Variants in RPS6KA5 observed in about 807,000 individuals in gnomAD.
RPS6KA5 encodes ribosomal protein S6 kinase alpha-5.
In RPS6KA5, 27 loss-of-function variants were observed where a neutral mutation model predicts 85.5. That is an observed-to-expected ratio of 0.32 (90% confidence interval 0.23 to 0.44). RPS6KA5 has a LOEUF of 0.44. RPS6KA5 is among the 20% of genes least tolerant of loss of function. The pLI is 1.00. For synonymous variants in RPS6KA5, 334 were observed against 348.2 expected (o/e 0.96, Z 0.46); for missense variants, 811 against 980.9 (o/e 0.83, Z 2.31).
rs370974013 is a variant in RPS6KA5 at position 90,853,669 on chromosome 14, C to CAAAAAAAAA, written c.*18396_*18404dup. 1.6e-5 allele frequency: 2 copies of CAAAAAAAAA among 128,392 alleles called. No homozygotes were observed. The highest frequency in any genetic ancestry group is 3.2e-5 in the Non-Finnish European group (2 of 61,666). 8.0% of individuals were successfully genotyped at this position (128,392 alleles called of 1,614,324 possible). On this transcript the variant is annotated 3_prime_UTR_variant, in exon 17 of 17. Coordinates refer to ENST00000614987, the MANE Select transcript of RPS6KA5 (RefSeq NM_004755.4). ...TGAAACCCCATCTCTACTAAAAATA[C>CAAAAAAAAA]AAAAAAAAAAAAAAAAACCCTAAAA...
intron 1 of RPS6KA5, among the ~76,000 whole-genome samples, chr14:91,028,728 C>T (rs963522601): frequency 6.6e-6 from 1 of 150,762 alleles, no homozygotes; most frequent in African/African-American, 2.4e-5. Flanking sequence ...TCATGTTATC[C>T]AGGATGGTCT....
At chr14:91,012,915 C>A (rs1025949889) in intron 1 of RPS6KA5, among the ~76,000 whole-genome samples, 2 of 152,318 alleles carry the variant, frequency 1.3e-5, no homozygotes, top group Middle Eastern at 3.4e-3. Flanking sequence ...TCTCACCTAT[C>A]CCTGACCTTA....
Position 91,004,791 on chromosome 14 carries a change from C to T in RPS6KA5, c.104-3632G>A, listed in dbSNP as rs182042487. 1.0e-3 allele frequency among the ~76,000 whole-genome samples: 154 copies of T among 152,038 alleles called. 2 individuals are homozygous for T. Among genetic ancestry groups the T allele is most frequent in the African/African-American group, 3.5e-3 (147 of 41,488 alleles). On this transcript the variant is annotated intron_variant, in intron 1 of 16. Coordinates refer to ENST00000614987, the MANE Select transcript of RPS6KA5 (RefSeq NM_004755.4). ...GACCATCCTGGCTAACACAGTGAAA[C>T]CCCGTCTCTACTAAAAATACAAAAA... is the stretch of plus-strand genomic sequence containing the variant.
At chr14:90,937,074 G>A (rs1393567965) in intron 5 of RPS6KA5, among the ~76,000 whole-genome samples, 1 of 151,948 alleles carries the variant, frequency 6.6e-6, no homozygotes, top group Non-Finnish European at 1.5e-5. Flanking sequence ...TGAGCTGAGG[G>A]GAACCCTCAG....
Position 91,060,440 on chromosome 14 carries a change from CCTT to C in RPS6KA5, c.-9_-7del. The C allele has an allele frequency of 2.7e-6, 4 of 1,464,302 alleles. No individual in the cohort carries two copies. The highest frequency in any genetic ancestry group is 3.6e-6 in the Non-Finnish European group (4 of 1,097,878). The allele number at this position is 1,464,302 out of a possible 1,614,324, so 90.7% of individuals were successfully genotyped here. On this transcript the variant is annotated 5_prime_UTR_variant, in exon 1 of 17. Coordinates refer to ENST00000614987, the MANE Select transcript of RPS6KA5 (RefSeq NM_004755.4). ...CTGCCACCCTCCTCCTCCATCTTCT[CCTT>C]TTTTTCCGATCCCGCGGGTCGCTAC...
chr14:91,012,479 T>C (rs898091477), intron 1 of RPS6KA5, among the ~76,000 whole-genome samples: 1 of 152,256 alleles, frequency 6.6e-6, no homozygotes, highest in African/African-American at 2.4e-5. Flanking sequence ...CAGTCTTTTC[T>C]TGTTGTATGT....
At chr14:90,987,820 AT>A (rs1363581943) in intron 2 of RPS6KA5, among the ~76,000 whole-genome samples, 21 of 152,242 alleles carry the variant, frequency 1.4e-4, no homozygotes, top group Admixed American at 3.9e-4. Flanking sequence ...AGACACTATC[AT>A]AAGCAAGGCC....
At chr14:90,892,604 C>T (rs2034628243) in intron 13 of RPS6KA5, among the ~76,000 whole-genome samples, 1 of 152,168 alleles carries the variant, frequency 6.6e-6, no homozygotes, top group Non-Finnish European at 1.5e-5. Flanking sequence ...TTGAAAAATA[C>T]AAGGCAGCTT....
intron 1 of RPS6KA5, among the ~76,000 whole-genome samples, chr14:91,025,394 C>T (rs1405830743): frequency 6.6e-6 from 1 of 152,148 alleles, no homozygotes; most frequent in Non-Finnish European, 1.5e-5. Flanking sequence ...CTATTCCATA[C>T]CCAACAAGAC....
rs750582176 is a variant in RPS6KA5 at position 90,996,193 on chromosome 14, G to GT, written c.175+4894dup. ...CAGCCCAGGCTAATTTGTTTTTTTT[G>GT]TTTTTTTTTTTGTTTTTTTTTTCAG... is the stretch of plus-strand genomic sequence containing the variant. On this transcript the variant is annotated intron_variant, in intron 2 of 16. Coordinates refer to ENST00000614987, the MANE Select transcript of RPS6KA5 (RefSeq NM_004755.4). Among the ~76,000 whole-genome samples the GT allele has an allele frequency of 2.2e-3, 309 of 138,606 alleles. 2 individuals carry two copies. The highest frequency in any genetic ancestry group is 0.022 in the East Asian group (106 of 4,794). 90.9% of individuals were successfully genotyped at this position (138,606 alleles called of 152,430 possible).
chr14:90,998,774 G>A (rs2040645644), intron 2 of RPS6KA5, among the ~76,000 whole-genome samples: 1 of 152,020 alleles, frequency 6.6e-6, no homozygotes, highest in Non-Finnish European at 1.5e-5. Flanking sequence ...TTAGTTGATG[G>A]GAATAAACTA....
At chr14:91,016,521 C>G (rs1191475180) in intron 1 of RPS6KA5, among the ~76,000 whole-genome samples, 2 of 152,062 alleles carry the variant, frequency 1.3e-5, no homozygotes, top group African/African-American at 4.8e-5. Flanking sequence ...ATACTACATA[C>G]TACTTTTTTG....
chr14:90,868,484 G>A lies in RPS6KA5; in HGVS notation c.*3590C>T, dbSNP rs1043197076. 2.0e-5 allele frequency: 3 copies of A among 152,094 alleles called. No individual in the cohort carries two copies. Among genetic ancestry groups the A allele is most frequent in the Admixed American group, 1.3e-4 (2 of 15,264 alleles). The allele number at this position is 152,094 out of a possible 1,614,324, so 9.4% of individuals were successfully genotyped here. ...AATTCATCTATATAACAATTATTTT[G>A]ACATAAGTGGCATATCAGAATTTAA... On this transcript the variant is annotated 3_prime_UTR_variant, in exon 17 of 17. Transcript: ENST00000614987.
intron 2 of RPS6KA5, among the ~76,000 whole-genome samples, chr14:90,997,308 T>C (rs1354914143): frequency 6.6e-6 from 1 of 152,196 alleles, no homozygotes; most frequent in East Asian, 1.9e-4. Flanking sequence ...TTTTATAAAG[T>C]ACCTGAAAAT....
At chr14:91,005,276 CCTTTA>C (rs1280165033) in intron 1 of RPS6KA5, among the ~76,000 whole-genome samples, 63 of 152,294 alleles carry the variant, frequency 4.1e-4, no homozygotes, top group African/African-American at 1.3e-3. Context: ...CTGTACTTAG[CCTTTA>C]CTTTACTTCA....
intron 1 of RPS6KA5, among the ~76,000 whole-genome samples, chr14:91,045,331 C>T (rs1035296637): frequency 1.1e-4 from 16 of 146,584 alleles, no homozygotes; most frequent in Middle Eastern, 7.4e-3. Flanking sequence ...ACGGCGTGAT[C>T]TTGGCTCACT....
At chr14:90,991,088 G>C (rs74474746) in intron 2 of RPS6KA5, among the ~76,000 whole-genome samples, 2,310 of 152,170 alleles carry the variant, frequency 0.015, 53 homozygotes, top group African/African-American at 0.053. Context: ...GGCGAAAAAA[G>C]ACAGGGGAAA....
chr14:90,974,451 T>C (rs865860290), intron 3 of RPS6KA5, among the ~76,000 whole-genome samples: 5 of 152,224 alleles, frequency 3.3e-5, no homozygotes, highest in African/African-American at 9.6e-5. Context: ...TGGCCATGAA[T>C]TCTTTCTAGT....
chr14:91,041,858 C>T (rs2042616148), intron 1 of RPS6KA5, among the ~76,000 whole-genome samples: 1 of 152,178 alleles, frequency 6.6e-6, no homozygotes, highest in Non-Finnish European at 1.5e-5. Context: ...CATATCCAAC[C>T]GATTTTGGAA....
Sources: allele counts gnomAD v4.1 joint callset (sites outside exome capture counted in the v4.1 genomes callset), GRCh38; gene constraint gnomAD v4.1.1; transcripts MANE v1.5; gene names NCBI Gene and HGNC (gene_info 2026-07-23, HGNC 2026-07-21).